Variants in CAT observed in about 807,000 individuals in gnomAD.
The protein encoded by CAT is catalase, also known as epididymis secretory sperm binding protein.
CAT carries 43 observed loss-of-function variants against 59.0 expected under a neutral mutation model. That is an observed-to-expected ratio of 0.73 (90% CI 0.57 to 0.94). CAT has a LOEUF of 0.94. CAT is among the 40% of genes least tolerant of loss of function. The probability of loss-of-function intolerance (pLI) is 0.00; values close to 1 mark genes in which losing one functional copy is unlikely to be tolerated. For missense variants in CAT, 664 were observed against 682.9 expected (o/e 0.97, Z 0.31); for synonymous variants, 218 against 230.9 (o/e 0.94, Z 0.51).
In CAT at chr11:34,453,907, A is replaced by G; in HGVS notation, c.692A>G (p.Tyr231Cys). 6.2e-6 allele frequency: 10 copies of G among 1,613,990 alleles called. No individual in the cohort carries two copies. The highest frequency in any genetic ancestry group is 8.5e-6 in the Non-Finnish European group (10 of 1,179,866). Reference sequence around the variant, plus strand: ...GTTAATGCAAATGGGGAGGCAGTTTATTGCAAATTCCATTATAAGGTATGT... The same window carrying G: ...GTTAATGCAAATGGGGAGGCAGTTTGTTGCAAATTCCATTATAAGGTATGT... ...KLVNANGEAV[Y>C]CKFHYKTDQG... Residue 231 changes from tyrosine (Y) to cysteine (C), a missense_variant, in exon 6 of 13, where the codon TAT becomes TGT. Coordinates refer to ENST00000241052, the MANE Select transcript of CAT (RefSeq NM_001752.4).
At chr11:34,468,139 G>T in intron 10 of CAT, 149 bp from the exon 11 acceptor site, 1 of 690,512 alleles carries the variant, frequency 1.4e-6, no homozygotes, top group Non-Finnish European at 2.6e-6. Flanking sequence ...AACAAAAAGT[G>T]AAGGACACAA....
intron 8 of CAT, among the ~76,000 whole-genome samples, chr11:34,460,445 A>C (rs1203250573): frequency 2.9e-5 from 3 of 104,286 alleles, no homozygotes; most frequent in African/African-American, 8.2e-5. Context: ...AGTGGGCGGT[A>C]CTTTTTTTTT....
chr11:34,466,153 A>G (rs1007335558), intron 10 of CAT, among the ~76,000 whole-genome samples: 1 of 152,236 alleles, frequency 6.6e-6, no homozygotes, highest in East Asian at 1.9e-4. Flanking sequence ...CAAACATGAA[A>G]TAAACTTGCT....
At chr11:34,463,062 A>G (rs146425250) in intron 9 of CAT, among the ~76,000 whole-genome samples, 1 of 152,224 alleles carries the variant, frequency 6.6e-6, no homozygotes, top group African/African-American at 2.4e-5. Context: ...GCACCTCTTG[A>G]TTATCCACTG....
chr11:34,446,682 C>A (rs769174758), intron 1 of CAT, among the ~76,000 whole-genome samples: 2 of 152,096 alleles, frequency 1.3e-5, no homozygotes, highest in African/African-American at 2.4e-5. Flanking sequence ...ATCTGTTTAG[C>A]GTTCCTTTTA....
At chr11:34,461,143 C>A in intron 8 of CAT, 108 bp from the exon 9 acceptor site, 2 of 1,213,388 alleles carry the variant, frequency 1.6e-6, no homozygotes, top group Non-Finnish European at 2.4e-6. Flanking sequence ...TTTGTGGTAA[C>A]CATGTACAGA....
intron 8 of CAT, among the ~76,000 whole-genome samples, chr11:34,457,726 A>C (rs920604549): frequency 7.2e-5 from 11 of 152,226 alleles, no homozygotes; most frequent in Non-Finnish European, 4.4e-5. Flanking sequence ...ATCAGTAAGA[A>C]AATAATTGGC....
chr11:34,446,836 G>A (rs1055192290), intron 1 of CAT, among the ~76,000 whole-genome samples: 1 of 151,958 alleles, frequency 6.6e-6, no homozygotes, highest in Non-Finnish European at 1.5e-5. Context: ...CCGCCTGCTG[G>A]GTTCAAGCGA....
chr11:34,446,600 T>C (rs1856458044), intron 1 of CAT, among the ~76,000 whole-genome samples: 1 of 152,220 alleles, frequency 6.6e-6, no homozygotes, highest in African/African-American at 2.4e-5. Flanking sequence ...GAACATGTGA[T>C]GTGCTCTCAT....
chr11:34,450,169 G>T (rs538740070), intron 2 of CAT, among the ~76,000 whole-genome samples: 1 of 152,178 alleles, frequency 6.6e-6, no homozygotes, highest in Non-Finnish European at 1.5e-5. Flanking sequence ...AAACAATGTT[G>T]TTTGAGGACC....
intron 10 of CAT, among the ~76,000 whole-genome samples, chr11:34,465,747 T>C (rs1289052351): frequency 6.6e-6 from 1 of 152,232 alleles, no homozygotes; most frequent in Non-Finnish European, 1.5e-5. Flanking sequence ...TAAAAATGAT[T>C]CACTTGGGCT....
chr11:34,450,715 C>T (rs183985315), intron 2 of CAT, among the ~76,000 whole-genome samples: 26 of 152,320 alleles, frequency 1.7e-4, no homozygotes, highest in African/African-American at 6.0e-4. Context: ...GACCCTGTGT[C>T]CTTGGGCCAA....
chr11:34,444,417 A>G (rs1024016859), intron 1 of CAT, among the ~76,000 whole-genome samples: 6 of 152,234 alleles, frequency 3.9e-5, no homozygotes, highest in East Asian at 3.9e-4. Flanking sequence ...TTTAGCTTCC[A>G]CAGCAGTCAA....
chr11:34,468,468 A>G (rs1002213702), intron 11 of CAT, 73 bp downstream of exon 11: 1 of 1,064,110 alleles, frequency 9.4e-7, no homozygotes, highest in Admixed American at 1.7e-5. Context: ...GAGAACCCTA[A>G]AAAGAAAGTG....
At chr11:34,442,564 G>GCACT (rs1430717900) in intron 1 of CAT, among the ~76,000 whole-genome samples, 2 of 152,144 alleles carry the variant, frequency 1.3e-5, no homozygotes, top group Non-Finnish European at 2.9e-5. Context: ...TCCTGCCATT[G>GCACT]CACTCCAGCC....
intron 9 of CAT, among the ~76,000 whole-genome samples, chr11:34,463,115 C>G (rs1237508185): frequency 1.3e-5 from 2 of 152,144 alleles, no homozygotes; most frequent in African/African-American, 4.8e-5. Context: ...AATTCCAACC[C>G]CAGATTGGTT....
chr11:34,442,136 A>G (rs1048404815), intron 1 of CAT, among the ~76,000 whole-genome samples: 1 of 152,116 alleles, frequency 6.6e-6, no homozygotes, highest in Non-Finnish European at 1.5e-5. Context: ...ATGCTTATTG[A>G]CCATTGGTAT....
intron 1 of CAT, among the ~76,000 whole-genome samples, chr11:34,443,999 C>CT (rs549981646): frequency 2.0e-5 from 3 of 152,020 alleles, no homozygotes; most frequent in East Asian, 1.9e-4. Context: ...GGTTTCATTT[C>CT]TTTTTTTTAG....
Position 34,461,376 on chromosome 11 carries a change from G to T in CAT, c.1182G>T (p.Met394Ile). 6.2e-7 allele frequency: 1 copy of T among 1,614,224 alleles called. No individual in the cohort carries two copies. Among genetic ancestry groups the T allele is most frequent in the Non-Finnish European group, 8.5e-7 (1 of 1,180,048 alleles). Residue 394 changes from methionine (M) to isoleucine (I), a missense_variant, in exon 9 of 13, where the codon ATG becomes ATT. Transcript: ENST00000241052. Reference sequence around the variant, plus strand: ...ACCAGCGTGACGGCCCGATGTGCATGCAGGACAATCAGGGTAGGCCTAAAG... The same window carrying T: ...ACCAGCGTGACGGCCCGATGTGCATTCAGGACAATCAGGGTAGGCCTAAAG... ...ANYQRDGPMCMQDNQGGAPNY... is the reference protein window; with the variant it reads ...ANYQRDGPMCIQDNQGGAPNY...
Sources: gnomAD v4.1 joint callset for allele counts (sites outside exome capture counted in the v4.1 genomes callset) on GRCh38, gnomAD v4.1.1 for gene constraint, MANE v1.5 for transcripts, NCBI Gene and HGNC (gene_info 2026-07-23, HGNC 2026-07-21) for gene names.